The following RNF220 variants were observed in gnomAD, a reference collection of about 807,000 sequenced individuals.
The protein encoded by RNF220 is E3 ubiquitin-protein ligase RNF220.
In RNF220, 7 loss-of-function variants were observed where a neutral mutation model predicts 67.1. That is an observed-to-expected ratio of 0.10 (90% CI 0.06 to 0.20). RNF220 has a LOEUF of 0.20. RNF220 is among the 10% of genes least tolerant of loss of function. The pLI is 1.00. For synonymous variants in RNF220, 270 were observed against 283.2 expected (o/e 0.95, Z 0.47); for missense variants, 565 against 740.3 (o/e 0.76, Z 2.75).
At chr1:44,537,093 A>G (rs548075216) in intron 2 of RNF220, among the ~76,000 whole-genome samples, 30 of 152,136 alleles carry the variant, frequency 2.0e-4, no homozygotes, top group Admixed American at 1.7e-3. Context: ...CATGATGGAA[A>G]CGGCCCATGA....
chr1:44,465,067 C>T (rs922876537), intron 2 of RNF220, among the ~76,000 whole-genome samples: 1 of 152,118 alleles, frequency 6.6e-6, no homozygotes, highest in African/African-American at 2.4e-5. Context: ...AGTAAAACTT[C>T]AATAAATTAA....
chr1:44,612,839 A>G (rs1209476851), intron 2 of RNF220, among the ~76,000 whole-genome samples: 3 of 152,152 alleles, frequency 2.0e-5, no homozygotes, highest in South Asian at 4.2e-4. Flanking sequence ...TTAGGCAACC[A>G]TCTTGCTCAT....
At chr1:44,440,443 TGG>T (rs1651431863) in intron 2 of RNF220, among the ~76,000 whole-genome samples, 1 of 152,200 alleles carries the variant, frequency 6.6e-6, no homozygotes, top group Admixed American at 6.5e-5. Flanking sequence ...ACCCTGGCAT[TGG>T]GGCTAATGTT....
chr1:44,536,135 T>C (rs1661202335), intron 2 of RNF220, among the ~76,000 whole-genome samples: 1 of 152,016 alleles, frequency 6.6e-6, no homozygotes, highest in African/African-American at 2.4e-5. Context: ...CCTTAGGAGG[T>C]GTGACTTGGG....
At chr1:44,427,424 A>C (rs949851860) in intron 2 of RNF220, among the ~76,000 whole-genome samples, 2 of 152,210 alleles carry the variant, frequency 1.3e-5, no homozygotes, top group South Asian at 2.1e-4. Flanking sequence ...CCTTAGGCAC[A>C]ATTTATTTTG....
intron 2 of RNF220, among the ~76,000 whole-genome samples, chr1:44,429,577 C>T (rs891323868): frequency 6.6e-6 from 1 of 152,140 alleles, no homozygotes; most frequent in African/African-American, 2.4e-5. Context: ...TACAGGACAA[C>T]CTTCACAGGG....
chr1:44,570,443 C>T (rs991248858), intron 2 of RNF220, among the ~76,000 whole-genome samples: 1 of 152,184 alleles, frequency 6.6e-6, no homozygotes, highest in African/African-American at 2.4e-5. Flanking sequence ...GAATGTCCAC[C>T]ACACAGGAGG....
chr1:44,450,775 A>G (rs944268801), intron 2 of RNF220, among the ~76,000 whole-genome samples: 2 of 152,254 alleles, frequency 1.3e-5, no homozygotes, highest in Non-Finnish European at 2.9e-5. Flanking sequence ...CGCTGCAGCG[A>G]ACTTTTGGCA....
rs142921854 is a variant in RNF220, at chr1:44,574,478, CAT to C, written c.626-39685_626-39684del. ...GCTCCAGTTTAAGAAGACTGGGTAA[CAT>C]AGAAAAAGCCTCTCAGGGCTTCACT... On this transcript the variant is annotated intron_variant, in intron 2 of 14. Coordinates refer to ENST00000361799, the MANE Select transcript of RNF220 (RefSeq NM_018150.4). Among the ~76,000 whole-genome samples the C allele has an allele frequency of 7.5e-4, 114 of 152,292 alleles. 1 individual carries two copies. The East Asian group carries it at 0.019, about 25-fold the overall frequency.
chr1:44,553,853 G>A (rs1662864364), intron 2 of RNF220, among the ~76,000 whole-genome samples: 1 of 152,194 alleles, frequency 6.6e-6, no homozygotes, highest in South Asian at 2.1e-4. Flanking sequence ...CAGGGGAGCT[G>A]TTACTACCCC....
At chr1:44,456,149 A>G (rs1225341238) in intron 2 of RNF220, among the ~76,000 whole-genome samples, 1 of 152,212 alleles carries the variant, frequency 6.6e-6, no homozygotes, top group African/African-American at 2.4e-5. Flanking sequence ...AGCCAAGACA[A>G]TTACCATTAG....
chr1:44,609,628 G>T (rs536052812), intron 2 of RNF220, among the ~76,000 whole-genome samples: 34 of 152,334 alleles, frequency 2.2e-4, no homozygotes, highest in Middle Eastern at 3.4e-3. Context: ...CCCAACAGAG[G>T]GGGGCAGCAG....
chr1:44,651,059 A>T lies in RNF220; in HGVS notation c.*284A>T. 2 of 460,402 alleles carry T rather than the reference A, an allele frequency of 4.3e-6. No individual in the cohort carries two copies. Among genetic ancestry groups the T allele is most frequent in the Non-Finnish European group, 4.1e-6 (1 of 246,112 alleles). The allele number at this position is 460,402 out of a possible 1,614,324, so 28.5% of individuals were successfully genotyped here. On this transcript the variant is annotated 3_prime_UTR_variant, in exon 15 of 15. Coordinates refer to ENST00000361799, the MANE Select transcript of RNF220 (RefSeq NM_018150.4). ...GGGGCAGGGAGGTGGGGGTTGGGGG[A>T]GTAGTGGGGCACGGCTCCTAAGATC...
chr1:44,641,972 A>G (rs894173300), intron 8 of RNF220, among the ~76,000 whole-genome samples: 24 of 152,232 alleles, frequency 1.6e-4, no homozygotes, highest in Non-Finnish European at 4.4e-5. Flanking sequence ...TTGTATCCTG[A>G]GAGATTTCTC....
At chr1:44,476,397 G>C (rs1343914229) in intron 2 of RNF220, among the ~76,000 whole-genome samples, 3 of 152,178 alleles carry the variant, frequency 2.0e-5, no homozygotes, top group Non-Finnish European at 2.9e-5. Flanking sequence ...GAAAAGTACG[G>C]AGATTAAAGT....
chr1:44,515,600 A>C (rs1285342313), intron 2 of RNF220, among the ~76,000 whole-genome samples: 1 of 152,178 alleles, frequency 6.6e-6, no homozygotes, highest in Admixed American at 6.5e-5. Context: ...CTTCAGACCT[A>C]CTATTTAATT....
intron 2 of RNF220, among the ~76,000 whole-genome samples, chr1:44,567,771 G>A (rs1217658330): frequency 6.6e-6 from 1 of 152,088 alleles, no homozygotes; most frequent in Non-Finnish European, 1.5e-5. Flanking sequence ...AGCTCATGGA[G>A]CTCACATCTA....
chr1:44,457,929 CT>C (rs1653362510), intron 2 of RNF220, among the ~76,000 whole-genome samples: 1 of 152,084 alleles, frequency 6.6e-6, no homozygotes, highest in African/African-American at 2.4e-5. Flanking sequence ...TCCATATTGA[CT>C]TGTCTACGGA....
intron 2 of RNF220, among the ~76,000 whole-genome samples, chr1:44,556,962 C>T (rs1663143449): frequency 6.6e-6 from 1 of 151,826 alleles, no homozygotes; most frequent in African/African-American, 2.4e-5. Context: ...ATGTCTTTGC[C>T]CAGTGAGAAC....
Sources: allele counts gnomAD v4.1 joint callset (sites outside exome capture counted in the v4.1 genomes callset), GRCh38; gene constraint gnomAD v4.1.1; transcripts MANE v1.5; gene names NCBI Gene and HGNC (gene_info 2026-07-23, HGNC 2026-07-21).